The following INPP5B variants were observed in gnomAD, a reference collection of about 807,000 sequenced individuals.
INPP5B encodes the protein inositol polyphosphate-5-phosphatase B, also known as type II inositol 1,4,5-trisphosphate 5-phosphatase.
INPP5B carries 90 observed loss-of-function variants against 118.5 expected under a neutral mutation model. The observed-to-expected ratio is 0.76, with a 90% CI of 0.64 to 0.90. The LOEUF is 0.90. Among genes scored for constraint, INPP5B ranks in the 40% least tolerant of loss-of-function variants. The pLI, the probability that INPP5B is intolerant of heterozygous loss-of-function variation, is 0.00. For synonymous variants in INPP5B, 385 were observed against 418.9 expected, an observed-to-expected ratio of 0.92 and a Z score of 0.99; for missense variants, 984 against 1,125.6, an observed-to-expected ratio of 0.87 and a Z score of 1.80.
intron 15 of INPP5B, among the ~76,000 whole-genome samples, chr1:37,879,279 A>C (rs1227452902): frequency 6.6e-6 from 1 of 151,660 alleles, no homozygotes; most frequent in Non-Finnish European, 1.5e-5. Context: ...TCAAAAAAAA[A>C]AAAAGATGCT....
chr1:37,891,463 AAGG>A lies in INPP5B; in HGVS notation c.533-12_533-10del. ...ATCAAAGTTAGAACCACCTAAAGGG[AAGG>A]AGAAGAAATTAAAATATACATACAT... is the stretch of plus-strand genomic sequence containing the variant. On this transcript the variant is annotated splice_polypyrimidine_tract_variant and intron_variant, in intron 7 of 23. Coordinates refer to ENST00000373024, the MANE Select transcript of INPP5B (RefSeq NM_005540.3). 2 of 1,588,834 alleles carry A rather than the reference AAGG, an allele frequency of 1.3e-6. No homozygotes were observed. The highest frequency in any genetic ancestry group is 8.6e-7 in the Non-Finnish European group (1 of 1,157,444).
intron 8 of INPP5B, 98 bp from the exon 9 acceptor site, chr1:37,889,822 C>G (rs1302418111): frequency 1.9e-4 from 161 of 845,546 alleles, no homozygotes; most frequent in Non-Finnish European, 1.8e-5. Context: ...GCATCTAAGT[C>G]ACAGAAGACT....
chr1:37,875,649 A>G lies in INPP5B; in HGVS notation c.1745T>C (p.Met582Thr), dbSNP rs748620190. 19 of 1,613,980 alleles carry G rather than the reference A, an allele frequency of 1.2e-5. No homozygotes were observed. In the Admixed American group the frequency reaches 3.2e-4, roughly 27 times the overall value. ...CACAGAAGGAATGTTGGCATTTTCC[A>G]TCTTATCCAGGGAGCGAACAATTTC... is the stretch of plus-strand genomic sequence containing the variant. ...LEEIVRSLDKMENANIPSVSL... is the reference protein window; with the variant it reads ...LEEIVRSLDKTENANIPSVSL... The change falls in exon 17 of 24, where the codon ATG becomes ACG. Residue 582 changes from methionine (M) to threonine (T), a missense_variant. Physicochemically the swap from Met to Thr is moderately conservative, Grantham distance 81 (BLOSUM62 -1). Coordinates refer to ENST00000373024, the MANE Select transcript of INPP5B (RefSeq NM_005540.3).
In INPP5B at chr1:37,887,382, T is replaced by C; in HGVS notation, c.983A>G (p.Glu328Gly). 1 of 1,613,224 alleles carries C rather than the reference T, an allele frequency of 6.2e-7. No homozygotes were observed. Among genetic ancestry groups the C allele is most frequent in the Non-Finnish European group, 8.5e-7 (1 of 1,179,222 alleles). ...ATATTTGGCATCTGGATGAAGACCC[T>C]CTGACACAGCTTTGAACCACTCTTC... ...KEEEWFKAVS[E>G]GLHPDAKYAK... Residue 328 changes from glutamate to glycine, a missense_variant, in exon 11 of 24, where the codon GAG becomes GGG. Glu to Gly is a moderately conservative substitution (Grantham distance 98). Transcript: ENST00000373024.
Position 37,894,868 on chromosome 1 carries a change from G to A in INPP5B, c.533-3414C>T, listed in dbSNP as rs761482059. 5.3e-5 allele frequency among the ~76,000 whole-genome samples: 8 copies of A among 152,256 alleles called. No homozygotes were observed. The East Asian group carries it at 5.8e-4, about 11-fold the overall frequency. On this transcript the variant is annotated intron_variant, in intron 7 of 23. Transcript: ENST00000373024. ...CTGTGTGCCTTATATGTTTAAATAC[G>A]TAACATCCAAGTTCAAGTCTGTAGC... is the stretch of plus-strand genomic sequence containing the variant.
chr1:37,936,248 C>G (rs1024806530), intron 6 of INPP5B, among the ~76,000 whole-genome samples: 1 of 152,156 alleles, frequency 6.6e-6, no homozygotes, highest in African/African-American at 2.4e-5. Context: ...TCCTGCCCTT[C>G]CCTCCGACTG....
At chr1:37,910,168 A>G (rs1412692573) in intron 7 of INPP5B, among the ~76,000 whole-genome samples, 4 of 152,152 alleles carry the variant, frequency 2.6e-5, no homozygotes, top group Non-Finnish European at 4.4e-5. Flanking sequence ...GGACCATCAC[A>G]GATGCTCTGG....
rs375665756 is a variant in INPP5B at position 37,931,949 on chromosome 1, G to C, written c.496C>G (p.Leu166Val). 1.9e-6 allele frequency: 3 copies of C among 1,614,086 alleles called. No homozygotes were observed. Among genetic ancestry groups the C allele is most frequent in the South Asian group, 1.1e-5 (1 of 91,076 alleles). The change falls in exon 7 of 24, where the codon CTA becomes GTA. Residue 166 changes from leucine (L) to valine (V), a missense_variant. By Grantham distance (32) the Leu-to-Val change is conservative. Transcript: ENST00000373024. ...GTCGCGTACCCTGGCCAGGTAACTA[G>C]GGCCGAGTTACAACCGCGCGGCGTT... ...MPTPRGCNSALVTWPGYATIG... is the reference protein window; with the variant it reads ...MPTPRGCNSAVVTWPGYATIG...
At chr1:37,864,651 T>G (rs1641919995) in intron 22 of INPP5B, 1 of 344,554 alleles carries the variant, frequency 2.9e-6, no homozygotes, top group East Asian at 4.8e-5. Flanking sequence ...CTGAAAGAAA[T>G]AAGACATTTT....
rs983651385 is a variant in INPP5B, at chr1:37,873,219, G to A, written c.1952-54C>T. 14 of 1,285,724 alleles carry A rather than the reference G, an allele frequency of 1.1e-5. No individual in the cohort carries two copies. The East Asian group carries it at 1.1e-4, about 11-fold the overall frequency. The allele number at this position is 1,285,724 out of a possible 1,614,324, so 79.6% of individuals were successfully genotyped here. On this transcript the variant is annotated intron_variant, in intron 18 of 23. Coordinates refer to ENST00000373024, the MANE Select transcript of INPP5B (RefSeq NM_005540.3). ...GCCGGGGGCAGGCCAAGAGGAAAGG[G>A]GAAAGAAGGCAGGAGGGAAGAGGGT...
intron 7 of INPP5B, among the ~76,000 whole-genome samples, chr1:37,899,228 G>A (rs1321165570): frequency 6.8e-6 from 1 of 147,350 alleles, no homozygotes; most frequent in Non-Finnish European, 1.5e-5. Context: ...CAGAAGCATT[G>A]TACTCTAGTT....
chr1:37,932,445 T>C (rs974779370), intron 6 of INPP5B, among the ~76,000 whole-genome samples: 1 of 143,718 alleles, frequency 7.0e-6, no homozygotes, highest in East Asian at 2.2e-4. Context: ...CTCCGCTCAC[T>C]GCAACCTCTG....
At chr1:37,928,125 G>A (rs1009971575) in intron 7 of INPP5B, among the ~76,000 whole-genome samples, 103 of 152,108 alleles carry the variant, frequency 6.8e-4, no homozygotes, top group African/African-American at 2.3e-3. Flanking sequence ...CAGTCAGACT[G>A]CCAGCTCCTG....
At chr1:37,916,371 G>A (rs889644456) in intron 7 of INPP5B, among the ~76,000 whole-genome samples, 2 of 151,308 alleles carry the variant, frequency 1.3e-5, no homozygotes, top group African/African-American at 4.9e-5. Flanking sequence ...TGAGATTACA[G>A]GCATGAGCCA....
intron 6 of INPP5B, among the ~76,000 whole-genome samples, chr1:37,937,839 G>C (rs1432001470): frequency 1.3e-5 from 2 of 151,840 alleles, no homozygotes; most frequent in Admixed American, 6.6e-5. Context: ...ATAGTGGCAG[G>C]TGCCTGTAAT....
At chr1:37,886,722 A>T (rs1643559626) in intron 12 of INPP5B, among the ~76,000 whole-genome samples, 166 bp downstream of exon 12, 1 of 152,212 alleles carries the variant, frequency 6.6e-6, no homozygotes, top group African/African-American at 2.4e-5. Flanking sequence ...TCACTAAAAC[A>T]GTTTCTAAAT....
chr1:37,930,702 G>A (rs1355146318), intron 7 of INPP5B: 1 of 152,220 alleles, frequency 6.6e-6, no homozygotes, highest in Non-Finnish European at 1.5e-5. Context: ...AACAAGCACC[G>A]AGGAAGTCCT....
At chr1:37,934,100 A>G (rs1645598016) in intron 6 of INPP5B, among the ~76,000 whole-genome samples, 1 of 151,746 alleles carries the variant, frequency 6.6e-6, no homozygotes, top group Non-Finnish European at 1.5e-5. Context: ...CGCCTGGCTA[A>G]TTTTTGTATT....
intron 7 of INPP5B, among the ~76,000 whole-genome samples, chr1:37,895,938 G>A (rs993933964): frequency 1.6e-3 from 236 of 151,922 alleles, no homozygotes; most frequent in Admixed American, 2.8e-3. Flanking sequence ...CCACCACCCC[G>A]TCTGGGAAGT....
Sources: gnomAD v4.1 joint callset for allele counts (sites outside exome capture counted in the v4.1 genomes callset) on GRCh38, gnomAD v4.1.1 for gene constraint, MANE v1.5 for transcripts, NCBI Gene and HGNC (gene_info 2026-07-23, HGNC 2026-07-21) for gene names.